The following DOCK4 variants were observed in gnomAD, a reference collection of about 807,000 sequenced individuals.
DOCK4 encodes dedicator of cytokinesis protein 4.
Under a neutral mutation model 268.1 loss-of-function variants are expected in DOCK4, and 97 were observed. That is an observed-to-expected ratio of 0.36 (90% CI 0.31 to 0.43). The LOEUF (loss-of-function observed/expected upper bound fraction) is 0.43. Ranked by LOEUF, DOCK4 falls within the 20% of genes least tolerant of loss-of-function variation. The pLI is 1.00. For missense variants in DOCK4, 2,145 were observed against 2,455.7 expected (o/e 0.87, Z 2.67); for synonymous variants, 954 against 887.2 (o/e 1.08, Z -1.34).
At chr7:111,867,913 C>T (rs1170412455) in intron 22 of DOCK4, 71 bp downstream of exon 22, 20 of 1,315,380 alleles carry the variant, frequency 1.5e-5, no homozygotes, top group South Asian at 6.0e-5. Context: ...CATTTGATTA[C>T]GCTGCTGTGT....
At chr7:112,151,921 G>A (rs1563135841) in intron 1 of DOCK4, among the ~76,000 whole-genome samples, 1 of 150,038 alleles carries the variant, frequency 6.7e-6, no homozygotes, top group Non-Finnish European at 1.5e-5. Context: ...AAAGCAGAAT[G>A]TGGAACCATG....
chr7:112,056,098 A>AGG (rs1805791111), intron 1 of DOCK4, among the ~76,000 whole-genome samples: 1 of 152,168 alleles, frequency 6.6e-6, no homozygotes, highest in Non-Finnish European at 1.5e-5. Flanking sequence ...GGAAGGCAGG[A>AGG]GAGCAGCAGG....
At chr7:112,021,854 C>G (rs1463563727) in intron 1 of DOCK4, among the ~76,000 whole-genome samples, 5 of 152,178 alleles carry the variant, frequency 3.3e-5, no homozygotes, top group Non-Finnish European at 5.9e-5. Context: ...CCCTAGTTTA[C>G]ATGAGCCAGC....
chr7:111,860,906 T>C (rs1220032731), intron 23 of DOCK4, among the ~76,000 whole-genome samples: 1 of 152,202 alleles, frequency 6.6e-6, no homozygotes, highest in Admixed American at 6.5e-5. Context: ...TCAGAGGCAA[T>C]GAACACAAAC....
intron 1 of DOCK4, among the ~76,000 whole-genome samples, chr7:112,052,253 T>C (rs1805425039): frequency 6.6e-6 from 1 of 152,178 alleles, no homozygotes; most frequent in Non-Finnish European, 1.5e-5. Flanking sequence ...GTGGAACCAA[T>C]GGATATAGAA....
intron 8 of DOCK4, 149 bp from the exon 9 acceptor site, chr7:111,945,947 G>A (rs1291080384): frequency 1.3e-5 from 8 of 615,120 alleles, no homozygotes; most frequent in Middle Eastern, 4.4e-4. Context: ...GGAGAGCTCC[G>A]AAGACAACAA....
chr7:111,943,799 GA>G (rs1233701397), intron 10 of DOCK4, among the ~76,000 whole-genome samples: 1 of 151,998 alleles, frequency 6.6e-6, no homozygotes, highest in East Asian at 1.9e-4. Flanking sequence ...AGATTTTTAT[GA>G]GAAAAAACAT....
At chr7:111,869,996 C>T (rs1395876928) in intron 20 of DOCK4, among the ~76,000 whole-genome samples, 1 of 152,168 alleles carries the variant, frequency 6.6e-6, no homozygotes, top group Non-Finnish European at 1.5e-5. Flanking sequence ...TGTAAAACTG[C>T]TCATTGGGAT....
intron 8 of DOCK4, among the ~76,000 whole-genome samples, chr7:111,946,270 A>G (rs577838179): frequency 6.2e-4 from 94 of 152,340 alleles, no homozygotes; most frequent in African/African-American, 2.2e-3. Context: ...AATCTGTAAC[A>G]CAAGTAGAGA....
At position 111,788,655 on chromosome 7, in the gene DOCK4, T is replaced by C. The variant is rs368005888; in HGVS notation, c.3401+7A>G. 8.5e-5 allele frequency: 134 copies of C among 1,571,068 alleles called. No individual in the cohort carries two copies. The highest frequency in any genetic ancestry group is 1.0e-4 in the Non-Finnish European group (120 of 1,155,450). On this transcript the variant is annotated splice_region_variant and intron_variant, in intron 32 of 52. Transcript: ENST00000428084. The stretch of plus-strand genomic sequence containing the variant: ...TGGAATCAACTTGAGATAAACATAT[T>C]ACTCACATACTGTTGAAGAGCTCGC...
intron 1 of DOCK4, among the ~76,000 whole-genome samples, chr7:112,140,322 G>A (rs1415875156): frequency 1.3e-5 from 2 of 152,170 alleles, no homozygotes; most frequent in East Asian, 3.9e-4. Context: ...CTTCACTCTA[G>A]TGCAGCAATG....
chr7:112,125,208 G>A (rs756576777), intron 1 of DOCK4, among the ~76,000 whole-genome samples: 39 of 152,072 alleles, frequency 2.6e-4, no homozygotes, highest in Admixed American at 6.5e-4. Flanking sequence ...AGTGTGTCGG[G>A]AAAATCATAT....
Position 111,765,205 on chromosome 7 carries a change from C to A in DOCK4, c.3933G>T (p.Leu1311Phe). The change falls in exon 39 of 53, where the codon TTG (leucine) becomes TTT (phenylalanine). Residue 1311 changes from leucine to phenylalanine, a missense_variant. Coordinates refer to ENST00000428084, the MANE Select transcript of DOCK4 (RefSeq NM_001363540.2). The stretch of plus-strand genomic sequence containing the variant: ...GTTGCTGGTCCATAATTTTGTCATA[C>A]AAAGAGGCTTCCATCATCTAGAAAG... ...LSKMRMMEAS[L>F]YDKIMDQQRL... 1 of 1,552,028 alleles carries A rather than the reference C, an allele frequency of 6.4e-7. No individual in the cohort carries two copies. The highest frequency in any genetic ancestry group is 8.7e-7 in the Non-Finnish European group (1 of 1,150,482).
chr7:112,019,388 G>A (rs1224701259), intron 1 of DOCK4, among the ~76,000 whole-genome samples: 4 of 151,964 alleles, frequency 2.6e-5, no homozygotes, highest in African/African-American at 9.7e-5. Context: ...TTATTTTATA[G>A]CCTCTGCTAA....
intron 1 of DOCK4, among the ~76,000 whole-genome samples, chr7:112,141,485 A>C (rs1447732916): frequency 6.6e-6 from 1 of 152,196 alleles, no homozygotes; most frequent in Non-Finnish European, 1.5e-5. Context: ...GCCTCATCCA[A>C]TCAGTTGAAA....
Position 111,732,019 on chromosome 7 carries a change from G to A in DOCK4, c.5481+207C>T, listed in dbSNP as rs530286157. Among the ~76,000 whole-genome samples the A allele has an allele frequency of 1.2e-4, 19 of 152,308 alleles. No individual in the cohort carries two copies. In the South Asian group the frequency reaches 3.3e-3, roughly 27 times the overall value. The stretch of plus-strand genomic sequence containing the variant: ...CATTTGGAGAATGAGGCTAATAATC[G>A]AAAAACAAATGGCTGCGTTTGTGCA... On this transcript the variant is annotated intron_variant, in intron 52 of 52. Transcript: ENST00000428084.
chr7:111,932,996 A>G (rs1794319857), intron 12 of DOCK4, among the ~76,000 whole-genome samples: 1 of 151,658 alleles, frequency 6.6e-6, no homozygotes, highest in African/African-American at 2.4e-5. Flanking sequence ...CAGCTCTACT[A>G]TCTTACTGAG....
intron 36 of DOCK4, among the ~76,000 whole-genome samples, chr7:111,770,223 C>CA (rs756689437): frequency 0.1 from 7,067 of 69,242 alleles, 230 homozygotes; most frequent in Middle Eastern, 0.21. Context: ...GAGTGAAGAC[C>CA]AAAAAAAAAA....
intron 52 of DOCK4, among the ~76,000 whole-genome samples, chr7:111,728,997 G>A (rs2133348608): frequency 6.6e-6 from 1 of 152,296 alleles, no homozygotes; most frequent in South Asian, 2.1e-4. Context: ...CGGTCTGCAA[G>A]CCCAGGAGGG....
Sources: allele counts gnomAD v4.1 joint callset (sites outside exome capture counted in the v4.1 genomes callset), GRCh38; gene constraint gnomAD v4.1.1; transcripts MANE v1.5; gene names NCBI Gene and HGNC (gene_info 2026-07-23, HGNC 2026-07-21).